GNPAT: variants seen among roughly 807,000 people sequenced by gnomAD.
GNPAT encodes the protein dihydroxyacetone phosphate acyltransferase.
In GNPAT, 30 loss-of-function variants were observed where a neutral mutation model predicts 78.4. The observed-to-expected ratio is 0.38, with a 90% CI of 0.29 to 0.52. GNPAT has a LOEUF of 0.52. GNPAT is among the 20% of genes least tolerant of loss of function. The pLI is 0.84. For missense variants in GNPAT, 714 were observed against 812.2 expected (o/e 0.88, Z 1.47); for synonymous variants, 271 against 281.1 (o/e 0.96, Z 0.36).
intron 3 of GNPAT, among the ~76,000 whole-genome samples, chr1:231,261,429 C>T (rs977533914): frequency 3.3e-5 from 5 of 151,176 alleles, no homozygotes; most frequent in Middle Eastern, 3.4e-3. Context: ...GGTTGTGTAC[C>T]TTTGCTAGGA....
At chr1:231,258,483 C>A (rs1219287045) in intron 2 of GNPAT, among the ~76,000 whole-genome samples, 1 of 152,148 alleles carries the variant, frequency 6.6e-6, no homozygotes, top group Admixed American at 6.6e-5. Context: ...CATCTGCTCC[C>A]TTTCCTCTAT....
At chr1:231,248,205 A>G (rs553917420) in intron 1 of GNPAT, among the ~76,000 whole-genome samples, 5 of 152,350 alleles carry the variant, frequency 3.3e-5, no homozygotes, top group African/African-American at 1.2e-4. Context: ...CAATTCATTA[A>G]GGCTTATTTT....
intron 10 of GNPAT, among the ~76,000 whole-genome samples, chr1:231,271,531 A>G (rs551334316): frequency 7.7e-4 from 117 of 152,302 alleles, no homozygotes; most frequent in African/African-American, 2.3e-3. Context: ...CCCCACCCCA[A>G]AGTTTCTTCA....
At chr1:231,247,866 G>A (rs536721347) in intron 1 of GNPAT, among the ~76,000 whole-genome samples, 1 of 152,248 alleles carries the variant, frequency 6.6e-6, no homozygotes, top group South Asian at 2.1e-4. Context: ...GAGGTGGGGG[G>A]TCATGAAGAG....
At chr1:231,249,436 A>G (rs1251774831) in intron 1 of GNPAT, among the ~76,000 whole-genome samples, 2 of 152,180 alleles carry the variant, frequency 1.3e-5, no homozygotes, top group Non-Finnish European at 2.9e-5. Context: ...ATTTTCTTCT[A>G]TTACCTCAAC....
At chr1:231,257,195 A>T (rs1685090143) in intron 2 of GNPAT, among the ~76,000 whole-genome samples, 1 of 152,198 alleles carries the variant, frequency 6.6e-6, no homozygotes, top group African/African-American at 2.4e-5. Flanking sequence ...TTTCGTTCTA[A>T]TTCCCAAGGG....
intron 3 of GNPAT, 120 bp downstream of exon 3, chr1:231,260,803 G>A (rs1685203196): frequency 2.8e-6 from 2 of 719,050 alleles, no homozygotes; most frequent in Admixed American, 2.4e-5. Flanking sequence ...CAGCTCACTT[G>A]GTCAATCAAA....
rs768316925 is a variant in GNPAT at position 231,270,863 on chromosome 1, C to T, written c.1385C>T (p.Ser462Leu). Residue 462 changes from serine (S) to leucine (L), a missense_variant, in exon 10 of 16, where the codon TCG becomes TTG. Transcript: ENST00000366647. ...QVILKVDSGDSEVVDGLMLQH... is the reference protein window; with the variant it reads ...QVILKVDSGDLEVVDGLMLQH... ...ATTCTGAAAGTGGACTCCGGAGACT[C>T]GGAAGTGGTCGATGGGCTTATGCTC... 6 of 1,614,004 alleles carry T rather than the reference C, an allele frequency of 3.7e-6. No homozygotes were observed. Among genetic ancestry groups the T allele is most frequent in the Middle Eastern group, 1.6e-4 (1 of 6,084 alleles).
Position 231,267,839 on chromosome 1 carries a change from G to T in GNPAT, c.1215G>T (p.Leu405=), listed in dbSNP as rs1205271323. The T allele has an allele frequency of 6.2e-7, 1 of 1,613,854 alleles. No individual in the cohort carries two copies. The highest frequency in any genetic ancestry group is 1.1e-5 in the South Asian group (1 of 91,078). ...GGCCATCCATGGACTTTGATGCTCT[G>T]GTGGAAAAGACTTTATGGCTAAAAG... is the stretch of plus-strand genomic sequence containing the variant. ...QNRPSMDFDA[L]VEKTLWLKGL... is the part of the protein sequence containing the mutation. The change falls in exon 9 of 16, where the codon CTG becomes CTT. Residue 405 remains leucine, a synonymous_variant. Transcript: ENST00000366647.
rs575738619 is a variant in GNPAT, at chr1:231,267,210, A to C, written c.1056-470A>C. ...CTCCAGCCAGCTCTGTGCAGGCCTT[A>C]TTGTACTATTCAAAGTTTGGTAATC... is the stretch of plus-strand genomic sequence containing the variant. On this transcript the variant is annotated intron_variant, in intron 8 of 15. Coordinates refer to ENST00000366647, the MANE Select transcript of GNPAT (RefSeq NM_014236.4). 6.6e-4 allele frequency among the ~76,000 whole-genome samples: 100 copies of C among 152,248 alleles called. No individual in the cohort carries two copies. The Middle Eastern group carries it at 0.01, about 16-fold the overall frequency.
At position 231,267,826 on chromosome 1, in the gene GNPAT, A is replaced by G; in HGVS notation, c.1202A>G (p.Asp401Gly). ...CTGCTTCAGAACCGGCCATCCATGG[A>G]CTTTGATGCTCTGGTGGAAAAGACT... ...AVLLQNRPSM[D>G]FDALVEKTLW... The change falls in exon 9 of 16, where the codon GAC becomes GGC. Residue 401 changes from aspartate to glycine, a missense_variant. Transcript: ENST00000366647. 6.2e-7 allele frequency: 1 copy of G among 1,613,958 alleles called. No homozygotes were observed. Among genetic ancestry groups the G allele is most frequent in the Non-Finnish European group, 8.5e-7 (1 of 1,179,838 alleles).
intron 8 of GNPAT, among the ~76,000 whole-genome samples, chr1:231,266,691 A>G (rs770523513): frequency 5.3e-5 from 8 of 152,256 alleles, no homozygotes; most frequent in Non-Finnish European, 1.2e-4. Context: ...AAATAATGCC[A>G]TTATTAACAA....
chr1:231,265,006 A>G (rs1048816507), intron 4 of GNPAT, among the ~76,000 whole-genome samples: 12 of 152,170 alleles, frequency 7.9e-5, no homozygotes, highest in Non-Finnish European at 1.6e-4. Flanking sequence ...TTTAATGTCA[A>G]AGTATAATAA....
At chr1:231,247,464 G>A (rs1212237603) in intron 1 of GNPAT, among the ~76,000 whole-genome samples, 3 of 152,188 alleles carry the variant, frequency 2.0e-5, no homozygotes, top group African/African-American at 7.2e-5. Context: ...AGGGTTCAGT[G>A]AAGACTGAAA....
rs751805019 is a variant in GNPAT at position 231,276,163 on chromosome 1, G to T, written c.1966G>T (p.Glu656Ter). The change falls in exon 15 of 16, where the codon GAA becomes TAA. Residue 656 changes from glutamate to a stop codon, truncating the protein, a stop_gained. Transcript: ENST00000366647. LOFTEE classifies it high-confidence loss of function. ...INNNCIFNVN[E>*]PATTKLEEML... ...TAATAACTGTATATTTAATGTGAAT[G>T]AACCTGCCACAACCAAATTAGAAGA... The T allele has an allele frequency of 4.3e-6, 6 of 1,407,266 alleles. No individual in the cohort carries two copies. Among genetic ancestry groups the T allele is most frequent in the Non-Finnish European group, 6.0e-6 (6 of 995,044 alleles). 87.2% of individuals were successfully genotyped at this position (1,407,266 alleles called of 1,614,324 possible).
At chr1:231,262,509 A>G (rs1371623787) in intron 3 of GNPAT, among the ~76,000 whole-genome samples, 2 of 152,256 alleles carry the variant, frequency 1.3e-5, no homozygotes, top group Non-Finnish European at 2.9e-5. Context: ...ATAAAAATTT[A>G]CATTTTTAAT....
At chr1:231,265,833 C>T (rs1685367086) in intron 6 of GNPAT, 46 bp downstream of exon 6, 4 of 1,195,516 alleles carry the variant, frequency 3.3e-6, no homozygotes, top group Admixed American at 1.7e-5. Context: ...CCAAAGACAT[C>T]AGCTGCTACA....
intron 2 of GNPAT, among the ~76,000 whole-genome samples, chr1:231,256,284 C>T (rs1685056194): frequency 6.6e-6 from 1 of 151,840 alleles, no homozygotes; most frequent in Non-Finnish European, 1.5e-5. Flanking sequence ...ATAAGTCAAA[C>T]TCTTTACCCC....
chr1:231,251,004 AGAG>A lies in GNPAT; in HGVS notation c.127_129del (p.Arg43del). 2 of 1,612,278 alleles carry A rather than the reference AGAG, an allele frequency of 1.2e-6. No individual in the cohort carries two copies. Among genetic ancestry groups the A allele is most frequent in the Non-Finnish European group, 1.7e-6 (2 of 1,178,406 alleles). ...GATGAGTTTGAAGATATTTTAGAAGAGAGGAGGCATGTCAGTGACTTGAAATTT... is the reference window on the plus strand; with the variant it reads ...GATGAGTTTGAAGATATTTTAGAAGAGAGGCATGTCAGTGACTTGAAATTT... On this transcript the variant is annotated inframe_deletion, in exon 2 of 16. Transcript: ENST00000366647.
Sources: gnomAD v4.1 joint callset for allele counts (sites outside exome capture counted in the v4.1 genomes callset) on GRCh38, gnomAD v4.1.1 for gene constraint, MANE v1.5 for transcripts, NCBI Gene and HGNC (gene_info 2026-07-23, HGNC 2026-07-21) for gene names.